Variants in THSD4 observed in about 807,000 individuals in gnomAD.
THSD4 encodes the protein thrombospondin type 1 domain containing 4.
In THSD4, 69 loss-of-function variants were observed where a neutral mutation model predicts 119.0. The observed-to-expected ratio is 0.58, with a 90% CI of 0.48 to 0.71. THSD4 has a LOEUF of 0.71. THSD4 is among the 30% of genes least tolerant of loss of function. THSD4 has a pLI of 0.00. For synonymous variants in THSD4, 524 were observed against 540.4 expected, an observed-to-expected ratio of 0.97 and a Z score of 0.42; for missense variants, 1,393 against 1,391.1, an observed-to-expected ratio of 1.00 and a Z score of -0.02.
intron 5 of THSD4, among the ~76,000 whole-genome samples, chr15:71,252,122 G>A (rs2044266020): frequency 1.3e-5 from 2 of 152,066 alleles, no homozygotes; most frequent in African/African-American, 4.8e-5. Context: ...TATCTACATG[G>A]CTTTTCCCCT....
chr15:71,462,331 T>G (rs1566992666), intron 7 of THSD4, among the ~76,000 whole-genome samples: 1 of 152,078 alleles, frequency 6.6e-6, no homozygotes, highest in Non-Finnish European at 1.5e-5. Flanking sequence ...GGCTAATTTT[T>G]TTTCTTGTAG....
chr15:71,239,405 A>C lies in THSD4; in HGVS notation c.465-3244A>C, dbSNP rs546900357. Among the ~76,000 whole-genome samples, 8 of 152,262 alleles carry C rather than the reference A, an allele frequency of 5.3e-5. No homozygotes were observed. The East Asian group carries it at 1.5e-3, about 29-fold the overall frequency. Reference sequence around the variant, plus strand: ...CTGTTTGAAGAAACTGAGGCATACAAAGATTGGGTAACTTACCCAAAGTTT... The same window carrying C: ...CTGTTTGAAGAAACTGAGGCATACACAGATTGGGTAACTTACCCAAAGTTT... On this transcript the variant is annotated intron_variant, in intron 4 of 17. Transcript: ENST00000261862.
At chr15:71,582,272 C>A (rs1308284894) in intron 7 of THSD4, among the ~76,000 whole-genome samples, 1 of 151,924 alleles carries the variant, frequency 6.6e-6, no homozygotes, top group African/African-American at 2.4e-5. Flanking sequence ...TTCTTCATTT[C>A]TTTTTGGATA....
At chr15:71,372,383 C>T (rs138962030) in intron 6 of THSD4, among the ~76,000 whole-genome samples, 1 of 152,178 alleles carries the variant, frequency 6.6e-6, no homozygotes, top group Non-Finnish European at 1.5e-5. Context: ...AGCTTTTCTG[C>T]TCTGTTTTTT....
intron 7 of THSD4, among the ~76,000 whole-genome samples, chr15:71,523,897 A>G (rs1246371962): frequency 6.6e-6 from 1 of 152,236 alleles, no homozygotes; most frequent in Non-Finnish European, 1.5e-5. Context: ...GGTTCTATAC[A>G]TAAAGACATT....
chr15:71,369,341 G>A (rs1426829252), intron 6 of THSD4, among the ~76,000 whole-genome samples: 18 of 152,260 alleles, frequency 1.2e-4, no homozygotes, highest in African/African-American at 4.3e-4. Context: ...GGTGAGAGAG[G>A]GCATCCCTGT....
chr15:71,488,350 G>C (rs958505286), intron 7 of THSD4, among the ~76,000 whole-genome samples: 1 of 152,170 alleles, frequency 6.6e-6, no homozygotes, highest in Non-Finnish European at 1.5e-5. Flanking sequence ...GTTTTAGTAA[G>C]TTATTTAGAA....
At position 71,199,825 on chromosome 15, in the gene THSD4, GGGGTGTGTGTGTGTGTGC is replaced by G. The variant is rs1270327665; in HGVS notation, c.100-15209_100-15192del. 6.5e-3 allele frequency among the ~76,000 whole-genome samples: 935 copies of G among 143,688 alleles called. 3 individuals are homozygous for G. The highest frequency in any genetic ancestry group is 0.022 in the African/African-American group (838 of 37,648). The allele number at this position is 143,688 out of a possible 152,430, so 94.3% of individuals were successfully genotyped here. ...TGCTGTGTGTGTGTGATGCACGTGTGGGGTGTGTGTGTGTGTGCTGTGTGTGATGCATGTGTGGGGTGT... is the reference window on the plus strand; with the variant it reads ...TGCTGTGTGTGTGTGATGCACGTGTGTGTGTGTGATGCATGTGTGGGGTGT... On this transcript the variant is annotated intron_variant, in intron 3 of 17. Coordinates refer to ENST00000261862, the MANE Select transcript of THSD4 (RefSeq NM_024817.3).
chr15:71,255,577 T>C lies in THSD4; in HGVS notation c.913-1036T>C, dbSNP rs577646762. Among the ~76,000 whole-genome samples the C allele has an allele frequency of 2.4e-4, 37 of 152,316 alleles. No homozygotes were observed. In the East Asian group the frequency reaches 6.4e-3, roughly 26 times the overall value. ...AAGTTTGCATTTCCAGAAAGATCTC[T>C]GGGTGATTGTTTTGCATGCAGAAGG... On this transcript the variant is annotated intron_variant, in intron 5 of 17. Coordinates refer to ENST00000261862, the MANE Select transcript of THSD4 (RefSeq NM_024817.3).
At chr15:71,368,729 G>T (rs1170877567) in intron 6 of THSD4, among the ~76,000 whole-genome samples, 1 of 152,160 alleles carries the variant, frequency 6.6e-6, no homozygotes. Flanking sequence ...GATGCCTCCA[G>T]CTTTGTTCTT....
rs1056600405 is a variant in THSD4, at chr15:71,782,891, C to T, written c.*5517C>T. The T allele has an allele frequency of 2.0e-5, 3 of 152,250 alleles. No individual in the cohort carries two copies. The highest frequency in any genetic ancestry group is 7.2e-5 in the African/African-American group (3 of 41,460). 9.4% of individuals were successfully genotyped at this position (152,250 alleles called of 1,614,324 possible). On this transcript the variant is annotated 3_prime_UTR_variant, in exon 18 of 18. Coordinates refer to ENST00000261862, the MANE Select transcript of THSD4 (RefSeq NM_024817.3). ...TGTTATCCCTTTCTCTTTGCTTTGT[C>T]CCCGTTGTTAGACTGGCAGCGTCAG...
intron 3 of THSD4, among the ~76,000 whole-genome samples, chr15:71,190,011 A>G (rs999653111): frequency 1.3e-5 from 2 of 152,130 alleles, no homozygotes; most frequent in Admixed American, 6.5e-5. Flanking sequence ...GTTTGAGTCT[A>G]TTTTGTGGAG....
intron 16 of THSD4, among the ~76,000 whole-genome samples, chr15:71,768,258 G>A (rs2053748563): frequency 9.0e-6 from 1 of 110,620 alleles, no homozygotes; most frequent in Non-Finnish European, 2.2e-5. Flanking sequence ...CCCCCCGGAA[G>A]TAGTCTCACA....
chr15:71,718,603 A>G (rs1408302200), intron 8 of THSD4, among the ~76,000 whole-genome samples: 2 of 152,146 alleles, frequency 1.3e-5, no homozygotes, highest in Non-Finnish European at 2.9e-5. Context: ...AGTGCCCACA[A>G]TCAGCCGTCA....
At chr15:71,395,539 C>T (rs982280732) in intron 6 of THSD4, among the ~76,000 whole-genome samples, 4 of 152,054 alleles carry the variant, frequency 2.6e-5, no homozygotes, top group Admixed American at 6.5e-5. Context: ...CTCAGGAGTT[C>T]GAGACCAGCC....
chr15:71,556,307 A>T (rs748994069), intron 7 of THSD4, among the ~76,000 whole-genome samples: 9 of 152,174 alleles, frequency 5.9e-5, no homozygotes, highest in Non-Finnish European at 7.4e-5. Context: ...GTCTTCTTTG[A>T]CATTTTCTAA....
intron 15 of THSD4, 59 bp from the exon 16 acceptor site, chr15:71,764,961 A>C: frequency 1.9e-6 from 3 of 1,559,064 alleles, no homozygotes; most frequent in Non-Finnish European, 2.6e-6. Context: ...CTTGATGGAC[A>C]GTAGCTGCCA....
rs116842400 is a variant in THSD4 at position 71,726,893 on chromosome 15, C to G, written c.1358-1656C>G. Among the ~76,000 whole-genome samples the G allele has an allele frequency of 7.7e-3, 1,161 of 151,502 alleles. 25 individuals are homozygous for G. Among genetic ancestry groups the G allele is most frequent in the Admixed American group, 0.04 (608 of 15,222 alleles). On this transcript the variant is annotated intron_variant, in intron 8 of 17. Coordinates refer to ENST00000261862, the MANE Select transcript of THSD4 (RefSeq NM_024817.3). The stretch of plus-strand genomic sequence containing the variant: ...CAGAGGTTGCAGTGAGACGAGATCG[C>G]ACCATTGCACTCCGGCCTGGGCAAC...
chr15:71,604,643 G>A (rs1431151947), intron 7 of THSD4, among the ~76,000 whole-genome samples: 1 of 152,166 alleles, frequency 6.6e-6, no homozygotes, highest in Non-Finnish European at 1.5e-5. Flanking sequence ...ATCAGCAAAT[G>A]CCTCATTTAA....
Sources: allele counts gnomAD v4.1 joint callset (sites outside exome capture counted in the v4.1 genomes callset), GRCh38; gene constraint gnomAD v4.1.1; transcripts MANE v1.5; gene names NCBI Gene and HGNC (gene_info 2026-07-23, HGNC 2026-07-21).